The following AIG1 variants were observed in gnomAD, a reference collection of about 807,000 sequenced individuals.
AIG1 encodes the protein androgen-induced gene 1 protein.
AIG1 carries 23 observed loss-of-function variants against 31.4 expected under a neutral mutation model. The ratio of observed to expected loss-of-function variants is 0.73; its 90% CI spans 0.53 to 1.04. AIG1 has a LOEUF of 1.04. Ranked by LOEUF, AIG1 falls within the 50% of genes least tolerant of loss-of-function variation. AIG1 has a pLI of 0.00. For missense variants in AIG1, 274 were observed against 295.0 expected (o/e 0.93, Z 0.52); for synonymous variants, 100 against 110.5 (o/e 0.90, Z 0.60).
chr6:143,343,681 TTG>T (rs1777901870), downstream of AIG1, among the ~76,000 whole-genome samples: 1 of 152,114 alleles, frequency 6.6e-6, no homozygotes, highest in South Asian at 2.1e-4. Context: ...GGCTATTTCT[TTG>T]TGTGTTTGTG....
In AIG1 at chr6:143,338,114, C is replaced by T. The variant is rs1332457893; in HGVS notation, c.680-1525C>T. On this transcript the variant is annotated intron_variant, in intron 5 of 5. Transcript: ENST00000357847. This position sits in a 1 kb window ranked among gnomAD's most constrained non-coding sequence, Gnocchi z 4.3. ...CTGCAGGAGAACGCTTTGGAAAAAA[C>T]AGACTTTAAAAAGAAAAGCAAACTG... 1.3e-5 allele frequency: 5 copies of T among 398,330 alleles called. No individual in the cohort carries two copies. The highest frequency in any genetic ancestry group is 1.0e-4 in the African/African-American group (5 of 48,618). The allele number at this position is 398,330 out of a possible 1,614,324, so 24.7% of individuals were successfully genotyped here.
intron 3 of AIG1, among the ~76,000 whole-genome samples, chr6:143,205,216 A>G (rs955650199): frequency 3.9e-5 from 6 of 152,224 alleles, no homozygotes; most frequent in African/African-American, 9.6e-5. Flanking sequence ...GGAGCACACC[A>G]GCCATGAACT....
intron 3 of AIG1, among the ~76,000 whole-genome samples, chr6:143,175,723 T>C (rs1788078862): frequency 6.6e-6 from 1 of 152,224 alleles, no homozygotes; most frequent in South Asian, 2.1e-4. Flanking sequence ...TATCAATTTT[T>C]GATTTCTTTT....
downstream of AIG1, among the ~76,000 whole-genome samples, chr6:143,343,641 T>C (rs1020329935): frequency 2.0e-5 from 3 of 152,206 alleles, no homozygotes. Context: ...CTTGCAAGGA[T>C]AGCAGAATGC....
chr6:143,213,070 C>A (rs1292650081), intron 3 of AIG1, among the ~76,000 whole-genome samples: 3 of 152,116 alleles, frequency 2.0e-5, no homozygotes, highest in Admixed American at 2.0e-4. Flanking sequence ...CTAAATAGCC[C>A]CTTGAATACT....
At chr6:143,159,062 G>C (rs541750187) in intron 2 of AIG1, among the ~76,000 whole-genome samples, 94 of 152,302 alleles carry the variant, frequency 6.2e-4, no homozygotes, top group Non-Finnish European at 1.1e-3. Context: ...AGACAACAGA[G>C]CCCTGGAGGG....
intron 2 of AIG1, among the ~76,000 whole-genome samples, chr6:143,145,992 T>C (rs1211642329): frequency 1.3e-5 from 2 of 152,206 alleles, no homozygotes; most frequent in African/African-American, 2.4e-5. Context: ...GAAGTCCTTC[T>C]CAAAGAAAGA....
chr6:143,092,305 G>C (rs1039168807), intron 1 of AIG1, among the ~76,000 whole-genome samples: 21 of 134,070 alleles, frequency 1.6e-4, no homozygotes, highest in African/African-American at 6.0e-4. Flanking sequence ...TTTTTGTAGA[G>C]ACAGGGTCTC....
chr6:143,306,820 C>T (rs867624766), intron 4 of AIG1, among the ~76,000 whole-genome samples: 15 of 152,288 alleles, frequency 9.8e-5, no homozygotes, highest in South Asian at 4.1e-4. Context: ...CCATTCTCCC[C>T]GTCACTTTCA....
chr6:143,098,476 C>T (rs1562373324), intron 1 of AIG1, among the ~76,000 whole-genome samples: 1 of 152,136 alleles, frequency 6.6e-6, no homozygotes. Flanking sequence ...ATGTTGAATT[C>T]CTGAGAAATC....
chr6:143,135,994 G>C (rs535335299), intron 1 of AIG1, among the ~76,000 whole-genome samples: 13 of 152,244 alleles, frequency 8.5e-5, no homozygotes, highest in African/African-American at 2.9e-4. Flanking sequence ...CTATCTAGCT[G>C]CATTACAGTA....
At chr6:143,075,137 G>C (rs1040421363) in intron 1 of AIG1, among the ~76,000 whole-genome samples, 1 of 152,130 alleles carries the variant, frequency 6.6e-6, no homozygotes, top group African/African-American at 2.4e-5. Context: ...GGTCTGTAGT[G>C]ATAATCATAC....
At chr6:143,186,622 C>T (rs1402963639) in intron 3 of AIG1, 1 of 152,224 alleles carries the variant, frequency 6.6e-6, no homozygotes, top group Non-Finnish European at 1.5e-5. Context: ...GCCATCACTA[C>T]GCACGTACTA....
At chr6:143,065,827 G>A (rs149621466) in intron 1 of AIG1, among the ~76,000 whole-genome samples, 1 of 152,242 alleles carries the variant, frequency 6.6e-6, no homozygotes, top group Non-Finnish European at 1.5e-5. Context: ...ACCATGAACT[G>A]GATTTTTTAG....
At chr6:143,097,049 A>G (rs1459137090) in intron 1 of AIG1, among the ~76,000 whole-genome samples, 2 of 152,334 alleles carry the variant, frequency 1.3e-5, no homozygotes, top group African/African-American at 4.8e-5. Flanking sequence ...CCATTATTAT[A>G]TGACCTAATT....
intron 4 of AIG1, among the ~76,000 whole-genome samples, chr6:143,305,085 T>C (rs1218187338): frequency 6.6e-6 from 1 of 152,200 alleles, no homozygotes; most frequent in East Asian, 1.9e-4. Flanking sequence ...CCCTTTATCA[T>C]TTTTTATTGT....
intron 1 of AIG1, among the ~76,000 whole-genome samples, chr6:143,117,646 G>A (rs1034322701): frequency 6.6e-6 from 1 of 152,118 alleles, no homozygotes; most frequent in Non-Finnish European, 1.5e-5. Context: ...TCAAGGGAGA[G>A]GTCCTGGCTG....
At chr6:143,191,818 C>G (rs991865488) in intron 3 of AIG1, among the ~76,000 whole-genome samples, 13 of 152,140 alleles carry the variant, frequency 8.5e-5, no homozygotes, top group Admixed American at 3.9e-4. Context: ...CCTGGTATCT[C>G]ATTTGCATGT....
In AIG1 at chr6:143,155,078, C is replaced by G. The variant is rs963602522; in HGVS notation, c.298-10004C>G. Reference sequence around the variant, plus strand: ...TTCGCCATGTTGGCCAAGCTGGTCTCGAACTTCTGGCCTCAAATGATCCAC... The same window carrying G: ...TTCGCCATGTTGGCCAAGCTGGTCTGGAACTTCTGGCCTCAAATGATCCAC... On this transcript the variant is annotated intron_variant, in intron 2 of 5. Coordinates refer to ENST00000357847, the MANE Select transcript of AIG1 (RefSeq NM_016108.4). Among the ~76,000 whole-genome samples, 64 of 149,298 alleles carry G rather than the reference C, an allele frequency of 4.3e-4. 1 individual carries two copies. The highest frequency in any genetic ancestry group is 1.6e-3 in the African/African-American group (64 of 40,278).
Sources: allele counts gnomAD v4.1 joint callset (sites outside exome capture counted in the v4.1 genomes callset), GRCh38; gene constraint gnomAD v4.1.1; non-coding constraint Gnocchi (gnomAD v3.1); transcripts MANE v1.5; gene names NCBI Gene and HGNC (gene_info 2026-07-23, HGNC 2026-07-21).